FAM149A: variants seen among roughly 807,000 people sequenced by gnomAD.
The protein encoded by FAM149A is family with sequence similarity 149 member A, also known as protein FAM149A.
FAM149A carries 71 observed loss-of-function variants against 78.2 expected under a neutral mutation model. That is an observed-to-expected ratio of 0.91 (90% confidence interval 0.75 to 1.11). The LOEUF is 1.11. Among genes scored for constraint, FAM149A ranks in the 50% least tolerant of loss-of-function variants. The pLI is 0.00. For missense variants in FAM149A, 1,036 were observed against 971.0 expected (o/e 1.07, Z -0.89); for synonymous variants, 446 against 410.5 (o/e 1.09, Z -1.04).
At chr4:186,139,565 A>G (rs965240615) in intron 1 of FAM149A, among the ~76,000 whole-genome samples, 3 of 152,172 alleles carry the variant, frequency 2.0e-5, no homozygotes, top group African/African-American at 7.2e-5. Context: ...ATCTGCTACC[A>G]CCTTGATCTT....
intron 3 of FAM149A, among the ~76,000 whole-genome samples, chr4:186,151,197 T>C (rs763238900): frequency 6.6e-6 from 1 of 152,154 alleles, no homozygotes; most frequent in Non-Finnish European, 1.5e-5. Context: ...GGCAGCTGCC[T>C]CCTTCCTCTC....
rs1221924000 is a variant in FAM149A, at chr4:186,127,296, C to CA, written c.566+21655dup. 5.1e-6 allele frequency: 5 copies of CA among 983,814 alleles called. No homozygotes were observed. The African/African-American group carries it at 8.7e-5, about 17-fold the overall frequency. The allele number at this position is 983,814 out of a possible 1,614,324, so 60.9% of individuals were successfully genotyped here. A position where few individuals can be genotyped will look rare whatever the true frequency, so the allele number is the denominator to read the frequency against. On this transcript the variant is annotated intron_variant, in intron 1 of 13. Transcript: ENST00000389354. The stretch of plus-strand genomic sequence containing the variant: ...TTCTTCCGGAGAGTTAGTCTACCAG[C>CA]ACACTGCTGCTAGGAAGTATAAGAA...
chr4:186,144,387 T>C lies in FAM149A; in HGVS notation c.567-4786T>C, dbSNP rs574410354. On this transcript the variant is annotated intron_variant, in intron 1 of 13. Coordinates refer to ENST00000389354, the MANE Select transcript of FAM149A (RefSeq NM_001367768.3). This position sits in a 1 kb window ranked among gnomAD's most constrained non-coding sequence, Gnocchi z 4.2. Reference sequence around the variant, plus strand: ...CGTCTTTAGTATGCATGCTTAGATCTAGCGTTCCTGTTGATGGAGTAATGG... The same window carrying C: ...CGTCTTTAGTATGCATGCTTAGATCCAGCGTTCCTGTTGATGGAGTAATGG... 2 of 152,394 alleles carry C rather than the reference T, an allele frequency of 1.3e-5. No individual in the cohort carries two copies. The highest frequency in any genetic ancestry group is 3.9e-4 in the East Asian group (2 of 5,164). The allele number at this position is 152,394 out of a possible 1,614,324, so 9.4% of individuals were successfully genotyped here.
chr4:186,162,819 T>TTTTTTTTTTTTTTTTA (rs1734717936), intron 8 of FAM149A, 26 bp from the exon 9 acceptor site: 1 of 896,534 alleles, frequency 1.1e-6, no homozygotes, highest in East Asian at 2.7e-5. Context: ...TCTTTTTTTT[T>TTTTTTTTTTTTTTTTA]TTTTTTTTTT....
intron 1 of FAM149A, chr4:186,118,063 C>T (rs2099314458): frequency 2.0e-6 from 2 of 985,224 alleles, no homozygotes; most frequent in African/African-American, 1.7e-5. Flanking sequence ...AGAGAAGGGC[C>T]AGGCACGGGG....
intron 8 of FAM149A, among the ~76,000 whole-genome samples, chr4:186,160,468 TACACCAC>T (rs1296672709): frequency 3.4e-5 from 4 of 116,582 alleles, no homozygotes; most frequent in East Asian, 5.7e-4. Flanking sequence ...CCACACACCA[TACACCAC>T]ACACACACCA....
intron 1 of FAM149A, chr4:186,145,238 G>T: frequency 1.3e-6 from 1 of 766,498 alleles, no homozygotes; most frequent in Non-Finnish European, 1.6e-6. Flanking sequence ...GAAGCGTCAG[G>T]CCGGCCCCGG....
At chr4:186,152,539 CTTTTTTTTTTTTTTTTT>C (rs10718602) in intron 4 of FAM149A, among the ~76,000 whole-genome samples, 2 of 88,270 alleles carry the variant, frequency 2.3e-5, no homozygotes, top group Non-Finnish European at 4.0e-5. Context: ...TTTCTTTTTG[CTTTTTTTTTTTTTTTTT>C]TTTTTTGAGA....
intron 6 of FAM149A, chr4:186,155,023 T>G: frequency 6.4e-6 from 5 of 777,832 alleles, no homozygotes; most frequent in Non-Finnish European, 7.8e-6. Context: ...AGTGCAGCCG[T>G]GCGAGCTCGG....
intron 1 of FAM149A, among the ~76,000 whole-genome samples, chr4:186,106,915 G>A (rs1395143559): frequency 1.6e-4 from 25 of 152,172 alleles, no homozygotes; most frequent in Non-Finnish European, 2.1e-4. Context: ...GCACCATTGC[G>A]CTCCAACCTG....
chr4:186,138,542 C>T (rs115881799), intron 1 of FAM149A, among the ~76,000 whole-genome samples: 271 of 152,328 alleles, frequency 1.8e-3, no homozygotes, highest in African/African-American at 6.2e-3. Flanking sequence ...CCAGGGTCCA[C>T]TTGACATTAC....
rs1735116591 is a variant in FAM149A, at chr4:186,167,177, C to T, written c.2140-7C>T. On this transcript the variant is annotated splice_region_variant and splice_polypyrimidine_tract_variant and intron_variant, in intron 12 of 13. Transcript: ENST00000389354. ...ACTTGTCCCTGATTTTATTTTTCTTCCAGCAGTCGGATACGCCTCGAAAAA... is the reference window on the plus strand; with the variant it reads ...ACTTGTCCCTGATTTTATTTTTCTTTCAGCAGTCGGATACGCCTCGAAAAA... 6.2e-7 allele frequency: 1 copy of T among 1,607,546 alleles called. No individual in the cohort carries two copies. The highest frequency in any genetic ancestry group is 1.3e-5 in the African/African-American group (1 of 74,742).
chr4:186,125,418 A>G, intron 1 of FAM149A: 1 of 818,360 alleles, frequency 1.2e-6, no homozygotes, highest in Non-Finnish European at 1.5e-6. Context: ...GCAGCCCCAC[A>G]AACACAGTAA....
chr4:186,154,849 G>T (rs1700754358), intron 6 of FAM149A: 2 of 985,296 alleles, frequency 2.0e-6, no homozygotes, highest in Admixed American at 1.2e-4. Flanking sequence ...CAGTGCCCTT[G>T]TAAAAGCAGA....
intron 1 of FAM149A, among the ~76,000 whole-genome samples, chr4:186,131,063 G>A (rs2099320564): frequency 6.6e-6 from 1 of 152,036 alleles, no homozygotes; most frequent in Non-Finnish European, 1.5e-5. Flanking sequence ...ATAAGAAGAG[G>A]AAGGGCAGGC....
chr4:186,153,751 C>T lies in FAM149A; in HGVS notation c.1039C>T (p.His347Tyr), dbSNP rs754519437. 1 of 1,610,332 alleles carries T rather than the reference C, an allele frequency of 6.2e-7. No individual in the cohort carries two copies. Among genetic ancestry groups the T allele is most frequent in the Admixed American group, 1.7e-5 (1 of 59,916 alleles). The stretch of plus-strand genomic sequence containing the variant: ...CAGACCCCCGCTCAGTGCCTGCGGA[C>T]ACAGCAGCAACATCAGAGAGTATGT... The change falls in exon 5 of 14, where the codon CAC (histidine) becomes TAC (tyrosine). Residue 347 changes from histidine to tyrosine, a missense_variant. Transcript: ENST00000389354.
chr4:186,126,955 G>T (rs2099318575), intron 1 of FAM149A: 2 of 985,260 alleles, frequency 2.0e-6, no homozygotes, highest in South Asian at 4.7e-5. Context: ...TTCTGCTTTG[G>T]AACCACTGAA....
chr4:186,144,059 CT>C lies in FAM149A; in HGVS notation c.567-5113del, dbSNP rs1205794302. ...GTTGTACCGGCACCCAGTGCACTAA[CT>C]GTCATTACTAAAATCCCTGTCGTGG... On this transcript the variant is annotated intron_variant, in intron 1 of 13. Coordinates refer to ENST00000389354, the MANE Select transcript of FAM149A (RefSeq NM_001367768.3). The surrounding 1 kb of genome is among the most constrained non-coding windows in gnomAD (Gnocchi z 4.2). The C allele has an allele frequency of 6.6e-6, 1 of 152,180 alleles. No homozygotes were observed. Among genetic ancestry groups the C allele is most frequent in the African/African-American group, 2.4e-5 (1 of 41,436 alleles). The allele number at this position is 152,180 out of a possible 1,614,324, so 9.4% of individuals were successfully genotyped here.
At position 186,149,724 on chromosome 4, in the gene FAM149A, G is replaced by T; in HGVS notation, c.789+20G>T. On this transcript the variant is annotated intron_variant, in intron 3 of 13. Transcript: ENST00000389354. ...GATGACGTATGTCTCAGAATATTTTGGATAATCTTGTAATTACAGTTTATA... is the reference window on the plus strand; with the variant it reads ...GATGACGTATGTCTCAGAATATTTTTGATAATCTTGTAATTACAGTTTATA... The T allele has an allele frequency of 8.0e-7, 1 of 1,250,650 alleles. No individual in the cohort carries two copies. The highest frequency in any genetic ancestry group is 1.0e-6 in the Non-Finnish European group (1 of 973,214). The allele number at this position is 1,250,650 out of a possible 1,614,324, so 77.5% of individuals were successfully genotyped here. A position where few individuals can be genotyped will look rare whatever the true frequency, so the allele number is the denominator to read the frequency against.
Sources: allele counts gnomAD v4.1 joint callset (sites outside exome capture counted in the v4.1 genomes callset), GRCh38; gene constraint gnomAD v4.1.1; non-coding constraint Gnocchi (gnomAD v3.1); transcripts MANE v1.5; gene names NCBI Gene and HGNC (gene_info 2026-07-23, HGNC 2026-07-21).